ECT2: variants seen among roughly 807,000 people sequenced by gnomAD.
ECT2 encodes protein ECT2.
ECT2 carries 61 observed loss-of-function variants against 116.9 expected under a neutral mutation model. The ratio of observed to expected loss-of-function variants is 0.52; its 90% CI spans 0.42 to 0.65. The LOEUF is 0.65. ECT2 is among the 30% of genes least tolerant of loss of function. The pLI is 0.00. For missense variants in ECT2, 937 were observed against 1,078.7 expected, an observed-to-expected ratio of 0.87 and a Z score of 1.84; for synonymous variants, 358 against 346.4, an observed-to-expected ratio of 1.03 and a Z score of -0.37.
chr3:172,800,897 C>G (rs998821439), intron 18 of ECT2, among the ~76,000 whole-genome samples: 1 of 152,142 alleles, frequency 6.6e-6, no homozygotes, highest in African/African-American at 2.4e-5. Flanking sequence ...GTTACAGATA[C>G]AATCAAATCT....
chr3:172,807,809 C>T lies in ECT2; in HGVS notation c.2285C>T (p.Thr762Ile), dbSNP rs777839079. The stretch of plus-strand genomic sequence containing the variant: ...TTTGCCTTGCTTGTGAGGCCACCAA[C>T]AGAGCAGGCAAATGTGCTACTCAGT... The part of the protein sequence containing the change: ...NAFALLVRPP[T>I]EQANVLLSFQ... The change falls in exon 22 of 25, where the codon ACA (threonine) becomes ATA (isoleucine). Residue 762 changes from threonine (T) to isoleucine (I), a missense_variant. Coordinates refer to ENST00000392692, the MANE Select transcript of ECT2 (RefSeq NM_001258315.2). 3.4e-5 allele frequency: 55 copies of T among 1,613,664 alleles called. 1 individual carries two copies. The Admixed American group carries it at 4.3e-4, about 13-fold the overall frequency.
chr3:172,755,577 T>C lies in ECT2; in HGVS notation c.303+2T>C. On this transcript the variant is annotated splice_donor_variant, in intron 4 of 24. Coordinates refer to ENST00000392692, the MANE Select transcript of ECT2 (RefSeq NM_001258315.2). LOFTEE classifies it high-confidence loss of function. ...TTAATAAAAAGTGTTATTAATATGG[T>C]AGGTCAAAGTAACTCATTGCATGTG... 7.2e-7 allele frequency: 1 copy of C among 1,383,446 alleles called. No individual in the cohort carries two copies. Among genetic ancestry groups the C allele is most frequent in the Non-Finnish European group, 9.8e-7 (1 of 1,024,568 alleles). The allele number at this position is 1,383,446 out of a possible 1,614,324, so 85.7% of individuals were successfully genotyped here.
chr3:172,829,141 G>A, the ECT2 span: 1 of 636,238 alleles, frequency 1.6e-6, no homozygotes, highest in East Asian at 3.3e-5. Flanking sequence ...GATCTGAGCC[G>A]GAGAAATGAA....
intron 23 of ECT2, 145 bp from the exon 24 acceptor site, chr3:172,816,546 A>G: frequency 1.8e-6 from 1 of 544,922 alleles, no homozygotes; most frequent in Non-Finnish European, 3.0e-6. Flanking sequence ...AAATTTCCTC[A>G]CTGTTTTGTG....
At chr3:172,804,777 G>A (rs906364267) in intron 20 of ECT2, among the ~76,000 whole-genome samples, 4 of 151,870 alleles carry the variant, frequency 2.6e-5, no homozygotes, top group South Asian at 4.2e-4. Context: ...CAGATTCCTC[G>A]CAGTCTTCTG....
chr3:172,817,836 T>TTA (rs1730021172), intron 24 of ECT2, among the ~76,000 whole-genome samples: 1 of 152,054 alleles, frequency 6.6e-6, no homozygotes, highest in African/African-American at 2.4e-5. Context: ...GCAGATGATG[T>TTA]TATATACTGA....
chr3:172,828,475 G>T, the ECT2 span, among the ~76,000 whole-genome samples: 1 of 152,060 alleles, frequency 6.6e-6, no homozygotes, highest in African/African-American at 2.4e-5. Context: ...CAGATACAAG[G>T]TTTATTATAG....
intron 14 of ECT2, among the ~76,000 whole-genome samples, chr3:172,777,711 C>A (rs955729028): frequency 6.6e-6 from 1 of 152,122 alleles, no homozygotes; most frequent in African/African-American, 2.4e-5. Flanking sequence ...CCAGCCTGGG[C>A]AACAAGGCAA....
Position 172,816,793 on chromosome 3 carries a change from G to A in ECT2, c.2611G>A (p.Asp871Asn), listed in dbSNP as rs1729800077. Residue 871 changes from aspartate to asparagine, a missense_variant, in exon 24 of 25, where the codon GAT becomes AAT. Transcript: ENST00000392692. The stretch of plus-strand genomic sequence containing the variant: ...GGAGGGAAGAAGTCCTTCCAGCAAT[G>A]ATAAGCATGTAATGAGTCGTCTTTC... ...SVEGRSPSSN[D>N]KHVMSRLSST... is the part of the protein sequence containing the mutation. The A allele has an allele frequency of 6.2e-7, 1 of 1,609,282 alleles. No homozygotes were observed. The highest frequency in any genetic ancestry group is 1.3e-5 in the African/African-American group (1 of 74,762).
intron 24 of ECT2, chr3:172,818,240 A>T (rs12637015): frequency 5.1e-5 from 8 of 155,844 alleles, no homozygotes; most frequent in African/African-American, 1.9e-4. Flanking sequence ...ATCTTAACCA[A>T]TGGGAGAGAA....
At chr3:172,760,362 AAG>A (rs748824796) in intron 7 of ECT2, 99 bp downstream of exon 7, 4 of 585,244 alleles carry the variant, frequency 6.8e-6, no homozygotes, top group Non-Finnish European at 1.1e-5. Flanking sequence ...ACAATTAAAG[AAG>A]AGAAACTCAA....
rs1443960788 is a variant in ECT2, at chr3:172,820,831, A to G, written c.*594A>G. On this transcript the variant is annotated 3_prime_UTR_variant, in exon 25 of 25. Coordinates refer to ENST00000392692, the MANE Select transcript of ECT2 (RefSeq NM_001258315.2). ...AAAAGATTTGCCCTCATTAACAAGA[A>G]TAACATTTAAAGGAGATTGTTTCAA... The G allele has an allele frequency of 6.6e-6, 1 of 151,980 alleles. No individual in the cohort carries two copies. Among genetic ancestry groups the G allele is most frequent in the Non-Finnish European group, 1.5e-5 (1 of 67,850 alleles). 9.4% of individuals were successfully genotyped at this position (151,980 alleles called of 1,614,324 possible).
chr3:172,751,135 T>G (rs1303708734), intron 1 of ECT2: 1 of 151,918 alleles, frequency 6.6e-6, no homozygotes, highest in Non-Finnish European at 1.5e-5. Context: ...AGGGAGGGAG[T>G]TGGGAAAGGG....
Position 172,807,782 on chromosome 3 carries a change from C to T in ECT2, c.2258C>T (p.Ala753Val), listed in dbSNP as rs1728050939. ...DIRETEDCHNAFALLVRPPTE... is the reference protein window; with the variant it reads ...DIRETEDCHNVFALLVRPPTE... ...TCTGGAACCCTAGATTGCCATAATGCTTTTGCCTTGCTTGTGAGGCCACCA... is the reference window on the plus strand; with the variant it reads ...TCTGGAACCCTAGATTGCCATAATGTTTTTGCCTTGCTTGTGAGGCCACCA... The change falls in exon 22 of 25, where the codon GCT (alanine) becomes GTT (valine). Residue 753 changes from alanine to valine, a missense_variant. By Grantham distance (64) the Ala-to-Val change is moderately conservative. Coordinates refer to ENST00000392692, the MANE Select transcript of ECT2 (RefSeq NM_001258315.2). 1.2e-6 allele frequency: 2 copies of T among 1,612,658 alleles called. No individual in the cohort carries two copies. The highest frequency in any genetic ancestry group is 1.7e-6 in the Non-Finnish European group (2 of 1,179,280).
At chr3:172,821,737 C>G (rs903894997), downstream of ECT2, among the ~76,000 whole-genome samples, 5 of 151,788 alleles carry the variant, frequency 3.3e-5, no homozygotes, top group Admixed American at 2.6e-4. Context: ...ATTTTTCTGG[C>G]AGAAAATACA....
At chr3:172,763,020 G>GA (rs1271152282) in intron 11 of ECT2, 48 bp downstream of exon 11, 1 of 1,583,724 alleles carries the variant, frequency 6.3e-7, no homozygotes, top group Admixed American at 1.8e-5. Flanking sequence ...TTGATTGTTT[G>GA]AAAATAACAC....
intron 18 of ECT2, among the ~76,000 whole-genome samples, chr3:172,788,763 T>A (rs995062723): frequency 1.3e-5 from 2 of 152,170 alleles, no homozygotes; most frequent in African/African-American, 4.8e-5. Context: ...AAATTATTGT[T>A]AAAAAATGCT....
intron 13 of ECT2, among the ~76,000 whole-genome samples, chr3:172,772,246 T>G (rs1720794062): frequency 6.6e-6 from 1 of 151,700 alleles, no homozygotes; most frequent in Non-Finnish European, 1.5e-5. Flanking sequence ...TGAGACTGAG[T>G]CTTGCTCTGT....
chr3:172,827,111 C>T, the ECT2 span, among the ~76,000 whole-genome samples: 1 of 152,230 alleles, frequency 6.6e-6, no homozygotes, highest in South Asian at 2.1e-4. Flanking sequence ...GTAAAGATAG[C>T]TTTTATAAAA....
Sources: gnomAD v4.1 joint callset for allele counts (sites outside exome capture counted in the v4.1 genomes callset) on GRCh38, gnomAD v4.1.1 for gene constraint, MANE v1.5 for transcripts, NCBI Gene and HGNC (gene_info 2026-07-23, HGNC 2026-07-21) for gene names.